MOB1A: variants seen among roughly 807,000 people sequenced by gnomAD.
The protein encoded by MOB1A is MOB1 Mps One Binder homolog A.
A neutral mutation model predicts 25.1 loss-of-function variants in MOB1A; 10 were observed. The ratio of observed to expected loss-of-function variants is 0.40; its 90% CI spans 0.25 to 0.68. The LOEUF (loss-of-function observed/expected upper bound fraction) is 0.68, where lower values mean the gene tolerates loss of function less well. Ranked by LOEUF, MOB1A falls within the 30% of genes least tolerant of loss-of-function variation. MOB1A has a pLI of 0.40. For missense variants in MOB1A, 177 were observed against 256.3 expected (o/e 0.69, Z 2.11); for synonymous variants, 81 against 79.5 (o/e 1.02, Z -0.10).
At chr2:74,163,853 G>A (rs1445456644) in intron 4 of MOB1A, among the ~76,000 whole-genome samples, 1 of 152,038 alleles carries the variant, frequency 6.6e-6, no homozygotes, top group Non-Finnish European at 1.5e-5. Context: ...GGAAGATTCA[G>A]TAAAAAGAAT....
intron 1 of MOB1A, among the ~76,000 whole-genome samples, chr2:74,176,083 TACACACACACACACAC>T (rs58496712): frequency 0.022 from 2,899 of 129,302 alleles, 53 homozygotes; most frequent in Non-Finnish European, 0.03. Context: ...CCGCCTCTAC[TACACACACACACACAC>T]ACACACACAC....
intron 1 of MOB1A, among the ~76,000 whole-genome samples, chr2:74,177,111 G>C (rs900369971): frequency 6.6e-6 from 1 of 152,016 alleles, no homozygotes; most frequent in Non-Finnish European, 1.5e-5. Context: ...TCAGGAGTTC[G>C]AGACCAGCCT....
chr2:74,161,533 C>A (rs959487705), intron 4 of MOB1A, among the ~76,000 whole-genome samples: 2 of 151,466 alleles, frequency 1.3e-5, no homozygotes, highest in East Asian at 3.9e-4. Context: ...CCCAGCTACT[C>A]GGGAGGCTGA....
intron 2 of MOB1A, among the ~76,000 whole-genome samples, chr2:74,172,013 A>T (rs369099925): frequency 6.6e-6 from 1 of 152,200 alleles, no homozygotes; most frequent in East Asian, 1.9e-4. Context: ...CAGAAATGAT[A>T]TCATCTCAGA....
chr2:74,158,778 C>CAAAA (rs58720139), intron 5 of MOB1A, among the ~76,000 whole-genome samples: 40 of 82,014 alleles, frequency 4.9e-4, no homozygotes, highest in African/African-American at 1.4e-3. Context: ...GACCCTGTCT[C>CAAAA]AAAAAAAAAA....
Position 74,165,337 on chromosome 2 carries a change from C to G in MOB1A, c.290G>C (p.Trp97Ser). ...CTTTTTAATATTAGTACCATCTGCC[C>G]AGTGATATTCATATCTGAAGAGAAA... The part of the protein sequence containing the change: ...MSAGPRYEYH[W>S]ADGTNIKKPI... Residue 97 changes from tryptophan (W) to serine (S), a missense_variant, in exon 4 of 6, where the codon TGG becomes TCG. Trp to Ser is a radical substitution (Grantham distance 177). Transcript: ENST00000396049. 6.5e-7 allele frequency: 1 copy of G among 1,539,332 alleles called. No homozygotes were observed.
intron 1 of MOB1A, chr2:74,173,209 TC>T: frequency 1.9e-6 from 1 of 517,958 alleles, no homozygotes; most frequent in Admixed American, 1.9e-5. Flanking sequence ...ATGCTTTTTT[TC>T]CCCTGCCTGT....
chr2:74,178,700 G>T lies in MOB1A; in HGVS notation c.-26C>A. On this transcript the variant is annotated 5_prime_UTR_variant, in exon 1 of 6. Transcript: ENST00000396049. ...CTTCGGTCCTCAGAGGGGAGGCGAG[G>T]GGCCCCTGGCCCCCGCCTGGATCAG... is the stretch of plus-strand genomic sequence containing the variant. 7.7e-7 allele frequency: 1 copy of T among 1,301,512 alleles called. No individual in the cohort carries two copies. The highest frequency in any genetic ancestry group is 3.1e-5 in the East Asian group (1 of 32,652). 80.6% of individuals were successfully genotyped at this position (1,301,512 alleles called of 1,614,324 possible). A position where few individuals can be genotyped will look rare whatever the true frequency, so the allele number is the denominator to read the frequency against.
intron 2 of MOB1A, 26 bp downstream of exon 2, chr2:74,172,560 C>G: frequency 6.3e-7 from 1 of 1,589,868 alleles, no homozygotes; most frequent in East Asian, 2.2e-5. Flanking sequence ...TTCTAGAAAA[C>G]AGCAAAGTTA....
chr2:74,174,561 T>C (rs897035006), intron 1 of MOB1A, among the ~76,000 whole-genome samples: 3 of 152,156 alleles, frequency 2.0e-5, no homozygotes, highest in Non-Finnish European at 4.4e-5. Context: ...AAGTTTATAA[T>C]AGGGAAAATA....
chr2:74,178,447 G>A lies in MOB1A; in HGVS notation c.14+214C>T, dbSNP rs557880089. 9.0e-5 allele frequency: 33 copies of A among 367,806 alleles called. No homozygotes were observed. The East Asian group carries it at 1.1e-3, about 13-fold the overall frequency. 22.8% of individuals were successfully genotyped at this position (367,806 alleles called of 1,614,324 possible). On this transcript the variant is annotated intron_variant, in intron 1 of 5. Coordinates refer to ENST00000396049, the MANE Select transcript of MOB1A (RefSeq NM_018221.5). ...GGCCCCGGGGCCTTTCTACTCCCCA[G>A]CCTTCACGCTCCGTTTCCTTTACTT... is the stretch of plus-strand genomic sequence containing the variant.
At chr2:74,165,120 G>A in intron 4 of MOB1A, 98 bp downstream of exon 4, 1 of 958,074 alleles carries the variant, frequency 1.0e-6, no homozygotes, top group African/African-American at 1.7e-5. Context: ...AGGAGTTTGA[G>A]ACCAACCTGG....
At chr2:74,160,489 C>T (rs1390189619) in intron 4 of MOB1A, among the ~76,000 whole-genome samples, 2 of 152,116 alleles carry the variant, frequency 1.3e-5, no homozygotes, top group Non-Finnish European at 2.9e-5. Flanking sequence ...TCAAGACCAG[C>T]CTGGCCAAAG....
chr2:74,167,476 C>A (rs75989773), intron 2 of MOB1A, among the ~76,000 whole-genome samples: 21,636 of 152,102 alleles, frequency 0.14, 1,825 homozygotes, highest in East Asian at 0.38. Flanking sequence ...GTCTTGAACT[C>A]CTGACCTCAT....
chr2:74,169,248 T>C (rs1234998533), intron 2 of MOB1A, among the ~76,000 whole-genome samples: 2 of 152,218 alleles, frequency 1.3e-5, no homozygotes, highest in Non-Finnish European at 2.9e-5. Flanking sequence ...ACGCCTGTAA[T>C]CCCAGCACTT....
At position 74,161,533 on chromosome 2, in the gene MOB1A, CGGGAGGCT is replaced by C. The variant is rs146742520; in HGVS notation, c.410-2287_410-2280del. ...GGCGGCACCTGTAGTCCCAGCTACT[CGGGAGGCT>C]GAGACAGGAGAATGGCAGAATGGCG... On this transcript the variant is annotated intron_variant, in intron 4 of 5. Transcript: ENST00000396049. 3.7e-3 allele frequency among the ~76,000 whole-genome samples: 565 copies of C among 151,458 alleles called. 3 individuals are homozygous for C. The highest frequency in any genetic ancestry group is 0.013 in the African/African-American group (545 of 41,270).
Position 74,167,050 on chromosome 2 carries a change from G to A in MOB1A, c.239C>T (p.Thr80Ile), listed in dbSNP as rs763181628. The A allele has an allele frequency of 5.7e-5, 92 of 1,613,802 alleles. 1 individual carries two copies. The Admixed American group carries it at 1.5e-3, about 26-fold the overall frequency. ...MLYGTITEFC[T>I]EASCPVMSAG... ...AGACATGACTGGACAGCTTGCTTCA[G>A]TGCAGAATTCTGTAATAGTTCCATA... is the stretch of plus-strand genomic sequence containing the variant. The change falls in exon 3 of 6, where the codon ACT becomes ATT. Residue 80 changes from threonine (T) to isoleucine (I), a missense_variant. By Grantham distance (89) the Thr-to-Ile change is moderately conservative. Coordinates refer to ENST00000396049, the MANE Select transcript of MOB1A (RefSeq NM_018221.5).
At position 74,153,252 on chromosome 2, in the gene MOB1A, G is replaced by C. The variant is rs1483143009; in HGVS notation, c.*3316C>G. 6.6e-6 allele frequency: 1 copy of C among 152,132 alleles called. No individual in the cohort carries two copies. The highest frequency in any genetic ancestry group is 1.5e-5 in the Non-Finnish European group (1 of 68,022). The allele number at this position is 152,132 out of a possible 1,614,324, so 9.4% of individuals were successfully genotyped here. On this transcript the variant is annotated 3_prime_UTR_variant, in exon 6 of 6. Coordinates refer to ENST00000396049, the MANE Select transcript of MOB1A (RefSeq NM_018221.5). Reference sequence around the variant, plus strand: ...CAAATTTCTAGGACTTACGCTCTTTGGGCCTGATTTGTTAATGCTTATGAG... The same window carrying C: ...CAAATTTCTAGGACTTACGCTCTTTCGGCCTGATTTGTTAATGCTTATGAG...
At chr2:74,177,743 A>G (rs1693516040) in intron 1 of MOB1A, among the ~76,000 whole-genome samples, 2 of 152,226 alleles carry the variant, frequency 1.3e-5, no homozygotes, top group South Asian at 4.1e-4. Context: ...ATCCATAACT[A>G]AAATTGGATA....
Sources: allele counts gnomAD v4.1 joint callset (sites outside exome capture counted in the v4.1 genomes callset), GRCh38; gene constraint gnomAD v4.1.1; transcripts MANE v1.5; gene names NCBI Gene and HGNC (gene_info 2026-07-23, HGNC 2026-07-21).